The following ACVR1B variants were observed in gnomAD, a reference collection of about 807,000 sequenced individuals.
ACVR1B encodes activin receptor type-1B.
Under a neutral mutation model 55.6 loss-of-function variants are expected in ACVR1B, and 15 were observed. The observed-to-expected ratio is 0.27, with a 90% CI of 0.18 to 0.42. The LOEUF (loss-of-function observed/expected upper bound fraction) is 0.42. Among genes scored for constraint, ACVR1B ranks in the 10% least tolerant of loss-of-function variants. ACVR1B has a pLI of 1.00. For synonymous variants in ACVR1B, 247 were observed against 254.6 expected (o/e 0.97, Z 0.28); for missense variants, 359 against 670.1 (o/e 0.54, Z 5.13).
At chr12:51,961,556 A>G (rs1361463174) in intron 1 of ACVR1B, among the ~76,000 whole-genome samples, 2 of 152,106 alleles carry the variant, frequency 1.3e-5, no homozygotes, top group Admixed American at 6.5e-5. Context: ...CATTAGTTTT[A>G]TTCTCAGTTT....
At chr12:51,971,919 G>C (rs1941752131) in intron 1 of ACVR1B, among the ~76,000 whole-genome samples, 1 of 152,322 alleles carries the variant, frequency 6.6e-6, no homozygotes, top group East Asian at 1.9e-4. Flanking sequence ...TAAATGACTT[G>C]CCCAAAGCCA....
chr12:51,978,330 G>A (rs557360668), intron 3 of ACVR1B, among the ~76,000 whole-genome samples: 2 of 152,210 alleles, frequency 1.3e-5, no homozygotes, highest in South Asian at 4.1e-4. Context: ...TTGTTTAGTC[G>A]TCTGTGGTAA....
intron 7 of ACVR1B, chr12:51,987,169 C>G (rs1009773971): frequency 1.3e-5 from 9 of 711,874 alleles, no homozygotes; most frequent in South Asian, 1.2e-4. Flanking sequence ...GGTAACCATT[C>G]TGAAGGCTCG....
At chr12:51,992,186 AT>A (rs2120761054) in intron 8 of ACVR1B, 193 bp downstream of exon 8, 1 of 697,116 alleles carries the variant, frequency 1.4e-6, no homozygotes, top group East Asian at 2.7e-5. Context: ...GTAGGGTGCC[AT>A]TTGGAGTTCA....
intron 3 of ACVR1B, among the ~76,000 whole-genome samples, chr12:51,977,393 G>A (rs542752182): frequency 7.0e-4 from 107 of 152,210 alleles, no homozygotes; most frequent in African/African-American, 2.6e-3. Context: ...CACCTGCCTG[G>A]TTCAAGTGAT....
chr12:51,977,882 AC>A (rs1406857114), intron 3 of ACVR1B, among the ~76,000 whole-genome samples: 4 of 151,880 alleles, frequency 2.6e-5, no homozygotes, highest in South Asian at 2.1e-4. Context: ...AAGAAAAAAA[AC>A]ATCCACAAAG....
chr12:51,959,053 A>T (rs951921816), intron 1 of ACVR1B, among the ~76,000 whole-genome samples: 1 of 152,230 alleles, frequency 6.6e-6, no homozygotes, highest in African/African-American at 2.4e-5. Flanking sequence ...GACAATAAAC[A>T]AAAGTATAAA....
chr12:51,951,974 G>A, intron 1 of ACVR1B, 140 bp downstream of exon 1: 1 of 441,940 alleles, frequency 2.3e-6, no homozygotes, highest in Admixed American at 4.9e-5. Flanking sequence ...GAGGAGTCGG[G>A]GTGACCCCCA....
chr12:51,965,331 A>C (rs1941618490), intron 1 of ACVR1B, among the ~76,000 whole-genome samples: 2 of 152,174 alleles, frequency 1.3e-5, no homozygotes, highest in East Asian at 1.9e-4. Context: ...CAGGGGAAAA[A>C]AAGCTAGTAA....
At chr12:51,975,147 C>T in intron 1 of ACVR1B, 118 bp from the exon 2 acceptor site, 5 of 1,428,362 alleles carry the variant, frequency 3.5e-6, no homozygotes, top group Admixed American at 4.6e-5. Context: ...TTGGCCCCAT[C>T]TCTATAAAAA....
At chr12:51,967,468 A>C (rs1184880992) in intron 1 of ACVR1B, among the ~76,000 whole-genome samples, 3 of 152,108 alleles carry the variant, frequency 2.0e-5, no homozygotes, top group African/African-American at 7.2e-5. Flanking sequence ...CTGAGGCAGG[A>C]GAATCGCTTG....
Position 51,986,869 on chromosome 12 carries a change from C to A in ACVR1B, c.1188C>A (p.Asp396Glu). 6.2e-7 allele frequency: 1 copy of A among 1,614,126 alleles called. No homozygotes were observed. Among genetic ancestry groups the A allele is most frequent in the East Asian group, 2.2e-5 (1 of 44,890 alleles). Residue 396 changes from aspartate (D) to glutamate (E), a missense_variant, in exon 7 of 9, where the codon GAC becomes GAA. Transcript: ENST00000257963. ...AAACCATTAATATGAAACACTTTGA[C>A]TCCTTTAAATGTGCTGATATTTATG... ...LDETINMKHF[D>E]SFKCADIYAL...
At position 51,996,956 on chromosome 12, in the gene ACVR1B, T is replaced by TA. The variant is rs1337068482; in HGVS notation, c.*2847dup. 2 of 152,674 alleles carry TA rather than the reference T, an allele frequency of 1.3e-5. No individual in the cohort carries two copies. The highest frequency in any genetic ancestry group is 2.9e-5 in the Non-Finnish European group (2 of 68,048). The allele number at this position is 152,674 out of a possible 1,614,324, so 9.5% of individuals were successfully genotyped here. On this transcript the variant is annotated 3_prime_UTR_variant, in exon 9 of 9. Coordinates refer to ENST00000257963, the MANE Select transcript of ACVR1B (RefSeq NM_004302.5). ...TAGAAAGGACTGTAAAATAGCCACT[T>TA]AGACACTTTACCTCTTCAGTATGCA...
intron 1 of ACVR1B, among the ~76,000 whole-genome samples, chr12:51,967,387 C>T (rs1290427686): frequency 6.6e-6 from 1 of 151,646 alleles, no homozygotes; most frequent in South Asian, 2.1e-4. Context: ...GGTGAAACCC[C>T]GTCTCTACTA....
chr12:51,985,217 C>T lies in ACVR1B; in HGVS notation c.1005C>T (p.Asp335=). 1.2e-6 allele frequency: 2 copies of T among 1,612,446 alleles called. No homozygotes were observed. Among genetic ancestry groups the T allele is most frequent in the Non-Finnish European group, 1.7e-6 (2 of 1,179,460 alleles). ...GGAAGCCTGGAATTGCTCATCGAGA[C>T]TTAAAGTCAAAGAACATTCTGGTGA... ...TQGKPGIAHR[D]LKSKNILVKK... Residue 335 remains aspartate (D), a synonymous_variant, in exon 6 of 9, where the codon GAC becomes GAT. Transcript: ENST00000257963.
intron 7 of ACVR1B, among the ~76,000 whole-genome samples, chr12:51,988,902 GAGGCC>G (rs1015505507): frequency 6.6e-6 from 1 of 152,192 alleles, no homozygotes; most frequent in African/African-American, 2.4e-5. Flanking sequence ...CTGATTACCT[GAGGCC>G]AGGAGTTTGA....
intron 1 of ACVR1B, among the ~76,000 whole-genome samples, chr12:51,974,547 G>T (rs193096988): frequency 4.8e-4 from 73 of 152,264 alleles, no homozygotes; most frequent in African/African-American, 1.8e-3. Flanking sequence ...ATGCGTGAAT[G>T]CATGTGCATG....
rs1942259134 is a variant in ACVR1B, at chr12:51,994,370, C to G, written c.*260C>G. The G allele has an allele frequency of 1.2e-5, 5 of 423,818 alleles. No individual in the cohort carries two copies. The highest frequency in any genetic ancestry group is 1.3e-5 in the Non-Finnish European group (3 of 233,962). The allele number at this position is 423,818 out of a possible 1,614,324, so 26.3% of individuals were successfully genotyped here. A position where few individuals can be genotyped will look rare whatever the true frequency, so the allele number is the denominator to read the frequency against. On this transcript the variant is annotated 3_prime_UTR_variant, in exon 9 of 9. Coordinates refer to ENST00000257963, the MANE Select transcript of ACVR1B (RefSeq NM_004302.5). The surrounding 1 kb of genome is among the most constrained non-coding windows in gnomAD (Gnocchi z 4.2). Reference sequence around the variant, plus strand: ...GGAGAACTCAGTGCCACACCTCGAACTGGTTGTAGTGGGAAGTCCCGCGAA... The same window carrying G: ...GGAGAACTCAGTGCCACACCTCGAAGTGGTTGTAGTGGGAAGTCCCGCGAA...
intron 7 of ACVR1B, among the ~76,000 whole-genome samples, chr12:51,990,312 C>CT (rs71092738): frequency 0.91 from 81,818 of 89,550 alleles, 37,822 homozygotes; most frequent in South Asian, 0.94. Flanking sequence ...AAATTTAGTG[C>CT]TTTTTTTTTT....
Sources: gnomAD v4.1 joint callset for allele counts (sites outside exome capture counted in the v4.1 genomes callset) on GRCh38, gnomAD v4.1.1 for gene constraint, Gnocchi (gnomAD v3.1) non-coding constraint, MANE v1.5 for transcripts, NCBI Gene and HGNC (gene_info 2026-07-23, HGNC 2026-07-21) for gene names.